Variants in NRF1 observed in about 807,000 individuals in gnomAD.
NRF1 encodes the protein nuclear respiratory factor 1.
In NRF1, 5 loss-of-function variants were observed where a neutral mutation model predicts 58.5. The ratio of observed to expected loss-of-function variants is 0.09; its 90% confidence interval spans 0.04 to 0.18. The LOEUF is 0.18. Ranked by LOEUF, NRF1 falls within the 10% of genes least tolerant of loss-of-function variation. The probability of loss-of-function intolerance (pLI) is 1.00; values close to 1 mark genes in which losing one functional copy is unlikely to be tolerated. For missense variants in NRF1, 288 were observed against 657.7 expected (o/e 0.44, Z 6.15); for synonymous variants, 224 against 246.7 (o/e 0.91, Z 0.86).
At chr7:129,727,510 C>A (rs1033773333) in intron 10 of NRF1, 145 bp downstream of exon 10, 13 of 736,400 alleles carry the variant, frequency 1.8e-5, no homozygotes, top group Non-Finnish European at 8.2e-6. Flanking sequence ...TAGGAATATT[C>A]TGGGAGCCTG....
intron 9 of NRF1, among the ~76,000 whole-genome samples, chr7:129,722,536 T>G (rs186756602): frequency 1.7e-4 from 26 of 152,264 alleles, no homozygotes; most frequent in Admixed American, 5.2e-4. Context: ...GTAAAGACCT[T>G]AACTGGGGAC....
intron 5 of NRF1, among the ~76,000 whole-genome samples, chr7:129,692,289 G>A (rs897745684): frequency 4.6e-5 from 7 of 152,082 alleles, no homozygotes; most frequent in South Asian, 2.1e-4. Context: ...AAATCATGCC[G>A]GACGTTGTAG....
At chr7:129,616,714 T>A (rs1218207034) in intron 1 of NRF1, among the ~76,000 whole-genome samples, 1 of 152,210 alleles carries the variant, frequency 6.6e-6, no homozygotes, top group Non-Finnish European at 1.5e-5. Flanking sequence ...TAAGGAATGG[T>A]CTACTGAATC....
intron 1 of NRF1, among the ~76,000 whole-genome samples, chr7:129,614,443 T>TTGTGTGTG (rs56403369): frequency 0.013 from 1,953 of 145,820 alleles, 15 homozygotes; most frequent in African/African-American, 0.018. Context: ...AAATATGTAT[T>TTGTGTGTG]TGTGTGTGTG....
At chr7:129,711,908 A>T (rs938030668) in intron 8 of NRF1, among the ~76,000 whole-genome samples, 3 of 152,210 alleles carry the variant, frequency 2.0e-5, no homozygotes, top group East Asian at 3.8e-4. Context: ...TTATGAAAAA[A>T]AAATGTCACA....
chr7:129,618,604 A>G (rs1186876605), intron 1 of NRF1, among the ~76,000 whole-genome samples: 1 of 152,162 alleles, frequency 6.6e-6, no homozygotes, highest in Admixed American at 6.5e-5. Context: ...CTGAGGCTGG[A>G]GTATGACTTG....
rs1376147961 is a variant in NRF1, at chr7:129,642,532, C to T, written c.-6-14814C>T. 2.0e-5 allele frequency among the ~76,000 whole-genome samples: 3 copies of T among 151,926 alleles called. No individual in the cohort carries two copies. In the East Asian group the frequency reaches 5.8e-4, roughly 30 times the overall value. Reference sequence around the variant, plus strand: ...ATTAAGTGAAAAAATATTTGTAATACAGTATATACAATATAGGCTCATTTT... The same window carrying T: ...ATTAAGTGAAAAAATATTTGTAATATAGTATATACAATATAGGCTCATTTT... On this transcript the variant is annotated intron_variant, in intron 1 of 10. Transcript: ENST00000393232.
intron 5 of NRF1, among the ~76,000 whole-genome samples, chr7:129,702,671 G>A (rs1420403355): frequency 6.6e-6 from 1 of 152,144 alleles, no homozygotes; most frequent in Non-Finnish European, 1.5e-5. Context: ...AAGTAATGTT[G>A]CCACAGTCTG....
At chr7:129,630,541 A>G (rs1801025325) in intron 1 of NRF1, among the ~76,000 whole-genome samples, 1 of 152,196 alleles carries the variant, frequency 6.6e-6, no homozygotes, top group African/African-American at 2.4e-5. Context: ...GTTAAAACAA[A>G]TCATTTTGAT....
chr7:129,749,266 G>C (rs1804055282), intron 10 of NRF1, among the ~76,000 whole-genome samples: 2 of 152,176 alleles, frequency 1.3e-5, no homozygotes. Flanking sequence ...TTTGGGTTCT[G>C]TATTTGAAGG....
At chr7:129,647,197 C>T (rs2151070682) in intron 1 of NRF1, among the ~76,000 whole-genome samples, 1 of 151,816 alleles carries the variant, frequency 6.6e-6, no homozygotes, top group Admixed American at 6.6e-5. Flanking sequence ...GCCACCATGT[C>T]CGGCTAATTT....
chr7:129,637,304 A>G (rs569010046), intron 1 of NRF1, among the ~76,000 whole-genome samples: 37 of 152,226 alleles, frequency 2.4e-4, no homozygotes, highest in Non-Finnish European at 4.4e-4. Flanking sequence ...GCAAAAAAGC[A>G]AGGAAGAAAA....
intron 1 of NRF1, among the ~76,000 whole-genome samples, chr7:129,642,535 T>C (rs1027733535): frequency 1.3e-5 from 2 of 152,094 alleles, no homozygotes. Flanking sequence ...TGTAATACAG[T>C]ATATACAATA....
chr7:129,616,580 C>G (rs1393746854), intron 1 of NRF1, among the ~76,000 whole-genome samples: 1 of 152,130 alleles, frequency 6.6e-6, no homozygotes, highest in African/African-American at 2.4e-5. Flanking sequence ...GCCTGGGCGA[C>G]AGTGCGACCG....
chr7:129,613,973 A>G (rs181924931), intron 1 of NRF1, among the ~76,000 whole-genome samples: 2 of 152,180 alleles, frequency 1.3e-5, no homozygotes, highest in African/African-American at 4.8e-5. Context: ...CCTTATTTGA[A>G]GTCCTTTAAT....
chr7:129,619,433 TACACACACACAC>T (rs754223551), intron 1 of NRF1, among the ~76,000 whole-genome samples: 6 of 65,842 alleles, frequency 9.1e-5, no homozygotes, highest in African/African-American at 1.6e-4. Context: ...TATATATATA[TACACACACACAC>T]ACATATATAT....
At chr7:129,721,970 C>T (rs752189379) in intron 9 of NRF1, among the ~76,000 whole-genome samples, 10 of 152,088 alleles carry the variant, frequency 6.6e-5, no homozygotes, top group Non-Finnish European at 1.2e-4. Flanking sequence ...AAAGATTAGA[C>T]GCTTACAGAT....
At chr7:129,647,549 C>G (rs1171572933) in intron 1 of NRF1, among the ~76,000 whole-genome samples, 1 of 151,948 alleles carries the variant, frequency 6.6e-6, no homozygotes, top group Non-Finnish European at 1.5e-5. Flanking sequence ...ATTAAAGCCA[C>G]CACCCCTGGC....
At chr7:129,669,955 G>A (rs539659325) in intron 2 of NRF1, among the ~76,000 whole-genome samples, 13 of 152,222 alleles carry the variant, frequency 8.5e-5, no homozygotes, top group South Asian at 8.3e-4. Context: ...GCCCACCAGC[G>A]GATGAATGGC....
Sources: gnomAD v4.1 joint callset for allele counts (sites outside exome capture counted in the v4.1 genomes callset) on GRCh38, gnomAD v4.1.1 for gene constraint, MANE v1.5 for transcripts, NCBI Gene and HGNC (gene_info 2026-07-23, HGNC 2026-07-21) for gene names.